The following SH3PXD2B variants were observed in gnomAD, a reference collection of about 807,000 sequenced individuals.
SH3PXD2B encodes SH3 and PX domain-containing protein 2B.
Under a neutral mutation model 73.1 loss-of-function variants are expected in SH3PXD2B, and 37 were observed. The observed-to-expected ratio is 0.51, with a 90% CI of 0.39 to 0.67. The LOEUF (loss-of-function observed/expected upper bound fraction) is 0.67, where lower values mean the gene tolerates loss of function less well. Ranked by LOEUF, SH3PXD2B falls within the 30% of genes least tolerant of loss-of-function variation. SH3PXD2B has a pLI of 0.00. For synonymous variants in SH3PXD2B, 457 were observed against 480.5 expected (o/e 0.95, Z 0.64); for missense variants, 1,053 against 1,197.8 (o/e 0.88, Z 1.78).
rs553371188 is a variant in SH3PXD2B, at chr5:172,384,555, G to A, written c.310-2428C>T. ...CCCCAGCAACCACCATTCTACTTCTGTCTCTAGGGATTGATGATTCCAGGT... is the reference window on the plus strand; with the variant it reads ...CCCCAGCAACCACCATTCTACTTCTATCTCTAGGGATTGATGATTCCAGGT... On this transcript the variant is annotated intron_variant, in intron 4 of 12. Coordinates refer to ENST00000311601, the MANE Select transcript of SH3PXD2B (RefSeq NM_001017995.3). 3.3e-5 allele frequency among the ~76,000 whole-genome samples: 5 copies of A among 152,170 alleles called. No homozygotes were observed. The South Asian group carries it at 8.3e-4, about 25-fold the overall frequency.
intron 8 of SH3PXD2B, among the ~76,000 whole-genome samples, chr5:172,358,412 T>C (rs1014548874): frequency 1.2e-4 from 18 of 152,160 alleles, no homozygotes; most frequent in Non-Finnish European, 7.3e-5. Context: ...GTCAAATGTC[T>C]TGCAAATGAG....
intron 1 of SH3PXD2B, among the ~76,000 whole-genome samples, chr5:172,436,800 G>A (rs1289823082): frequency 6.6e-6 from 1 of 152,254 alleles, no homozygotes; most frequent in Non-Finnish European, 1.5e-5. Flanking sequence ...CTGCTCTACA[G>A]CCAGAGCAAG....
intron 12 of SH3PXD2B, among the ~76,000 whole-genome samples, 176 bp from the exon 13 acceptor site, chr5:172,340,092 T>C (rs1349890815): frequency 6.6e-6 from 1 of 152,212 alleles, no homozygotes; most frequent in Non-Finnish European, 1.5e-5. Flanking sequence ...TCCGGGAATA[T>C]CTTACATGGG....
rs528719167 is a variant in SH3PXD2B at position 172,336,120 on chromosome 5, G to C, written c.*2249C>G. 13 of 987,750 alleles carry C rather than the reference G, an allele frequency of 1.3e-5. No homozygotes were observed. Among genetic ancestry groups the C allele is most frequent in the Middle Eastern group, 5.2e-4 (1 of 1,922 alleles). 61.2% of individuals were successfully genotyped at this position (987,750 alleles called of 1,614,324 possible). ...CAGGGATGGAGCCACACACATCCCA[G>C]TCTACTCAGCACCTAGCACAGAGTA... On this transcript the variant is annotated 3_prime_UTR_variant, in exon 13 of 13. Transcript: ENST00000311601.
intron 1 of SH3PXD2B, among the ~76,000 whole-genome samples, chr5:172,453,763 A>G (rs1217228011): frequency 6.6e-6 from 1 of 152,180 alleles, no homozygotes; most frequent in Admixed American, 6.5e-5. Context: ...CCATTCCCAG[A>G]GATCTCCTCC....
chr5:172,397,396 G>A (rs970392368), intron 3 of SH3PXD2B, among the ~76,000 whole-genome samples: 1 of 152,096 alleles, frequency 6.6e-6, no homozygotes, highest in African/African-American at 2.4e-5. Context: ...GCCTCCATTT[G>A]CCTTGTAATA....
chr5:172,336,488 G>C lies in SH3PXD2B; in HGVS notation c.*1881C>G. Reference sequence around the variant, plus strand: ...CGAAGGCACTAAAGATGCTACAGGTGATCAGAGGAAGCTCCTCACGCAGAA... The same window carrying C: ...CGAAGGCACTAAAGATGCTACAGGTCATCAGAGGAAGCTCCTCACGCAGAA... On this transcript the variant is annotated 3_prime_UTR_variant, in exon 13 of 13. Transcript: ENST00000311601. The C allele has an allele frequency of 4.1e-6, 4 of 985,908 alleles. No homozygotes were observed. Among genetic ancestry groups the C allele is most frequent in the Non-Finnish European group, 4.8e-6 (4 of 830,018 alleles). The allele number at this position is 985,908 out of a possible 1,614,324, so 61.1% of individuals were successfully genotyped here. A position where few individuals can be genotyped will look rare whatever the true frequency, so the allele number is the denominator to read the frequency against.
chr5:172,341,769 G>A (rs915784111), intron 12 of SH3PXD2B, among the ~76,000 whole-genome samples: 8 of 151,984 alleles, frequency 5.3e-5, no homozygotes, highest in Non-Finnish European at 1.5e-5. Flanking sequence ...TCCTGCCTCA[G>A]CCTCCCAAGT....
At chr5:172,356,313 C>G (rs763400322) in intron 8 of SH3PXD2B, among the ~76,000 whole-genome samples, 2 of 152,176 alleles carry the variant, frequency 1.3e-5, no homozygotes, top group Non-Finnish European at 2.9e-5. Context: ...TCCAGCTCTG[C>G]TTGAAGCTAG....
intron 2 of SH3PXD2B, among the ~76,000 whole-genome samples, chr5:172,419,515 G>A (rs1038122813): frequency 6.6e-6 from 1 of 152,156 alleles, no homozygotes. Flanking sequence ...AGCTCCAGGT[G>A]GAAGGTGCTC....
At chr5:172,400,009 G>A (rs750116753) in intron 3 of SH3PXD2B, among the ~76,000 whole-genome samples, 36 of 152,120 alleles carry the variant, frequency 2.4e-4, no homozygotes, top group Non-Finnish European at 4.3e-4. Context: ...TGTTACCACG[G>A]GTGATAAATA....
At chr5:172,346,904 T>A (rs1757009944) in intron 11 of SH3PXD2B, among the ~76,000 whole-genome samples, 1 of 151,966 alleles carries the variant, frequency 6.6e-6, no homozygotes, top group Admixed American at 6.5e-5. Flanking sequence ...ACCTAGAGAA[T>A]TTTACATAAT....
chr5:172,425,247 C>T (rs192503555), intron 1 of SH3PXD2B, among the ~76,000 whole-genome samples: 127 of 152,106 alleles, frequency 8.3e-4, no homozygotes, highest in African/African-American at 2.8e-3. Context: ...TATTAAGCAC[C>T]GACTGCATGC....
exon 13 of SH3PXD2B, chr5:172,325,358 T>C: frequency 1.3e-6 from 2 of 1,535,454 alleles, no homozygotes; most frequent in Non-Finnish European, 1.7e-6. Flanking sequence ...CACAGGGCTC[T>C]CCAAGTGAAC....
Position 172,416,692 on chromosome 5 carries a change from CTCTCTTTTTTTTTTTTT to C in SH3PXD2B, c.156+5707_156+5723del, listed in dbSNP as rs1758832355. The stretch of plus-strand genomic sequence containing the variant: ...AGAGACTGTGAGTCTCTCTCTCTCT[CTCTCTTTTTTTTTTTTT>C]TTTTTTTTTTTTTTTTTGATATAGG... On this transcript the variant is annotated intron_variant, in intron 2 of 12. Transcript: ENST00000311601. 5.5e-5 allele frequency among the ~76,000 whole-genome samples: 5 copies of C among 91,220 alleles called. 1 individual carries two copies. The highest frequency in any genetic ancestry group is 2.2e-4 in the African/African-American group (4 of 18,210). The allele number at this position is 91,220 out of a possible 152,430, so 59.8% of individuals were successfully genotyped here.
chr5:172,423,688 G>A (rs560456039), intron 1 of SH3PXD2B, among the ~76,000 whole-genome samples: 18 of 152,272 alleles, frequency 1.2e-4, no homozygotes, highest in African/African-American at 4.3e-4. Context: ...GTCTAGCTCT[G>A]TCACCCAGGC....
At chr5:172,446,604 G>A (rs543958045) in intron 1 of SH3PXD2B, among the ~76,000 whole-genome samples, 2 of 152,332 alleles carry the variant, frequency 1.3e-5, no homozygotes, top group East Asian at 3.9e-4. Flanking sequence ...AGCCTTCCTT[G>A]TTTGGCAGTG....
chr5:172,353,087 G>A lies in SH3PXD2B; in HGVS notation c.785+801C>T, dbSNP rs1757193372. Among the ~76,000 whole-genome samples, 1 of 152,066 alleles carries A rather than the reference G, an allele frequency of 6.6e-6. No homozygotes were observed. The highest frequency in any genetic ancestry group is 2.4e-5 in the African/African-American group (1 of 41,378). On this transcript the variant is annotated intron_variant, in intron 9 of 12. Transcript: ENST00000311601. This position sits in a 1 kb window ranked among gnomAD's most constrained non-coding sequence, Gnocchi z 4.3. ...CAGGTGGTGTGAGCTATTGTATCTT[G>A]CTCACTGTTGACTCCTCAGCTCCCA...
chr5:172,330,332 A>ACTCACT (rs1489786284), downstream of SH3PXD2B, among the ~76,000 whole-genome samples: 10 of 152,196 alleles, frequency 6.6e-5, no homozygotes, highest in African/African-American at 2.2e-4. Context: ...AGTTACAAAC[A>ACTCACT]GAATTTGGGT....
Sources: allele counts gnomAD v4.1 joint callset (sites outside exome capture counted in the v4.1 genomes callset), GRCh38; gene constraint gnomAD v4.1.1; non-coding constraint Gnocchi (gnomAD v3.1); transcripts MANE v1.5; gene names NCBI Gene and HGNC (gene_info 2026-07-23, HGNC 2026-07-21).